SLC9A9: variants seen among roughly 807,000 people sequenced by gnomAD.
SLC9A9 encodes the protein solute carrier family 9 member A9, also known as sodium/hydrogen exchanger 9.
SLC9A9 carries 62 observed loss-of-function variants against 77.8 expected under a neutral mutation model. The observed-to-expected ratio is 0.80, with a 90% CI of 0.65 to 0.98. SLC9A9 has a LOEUF of 0.98. Ranked by LOEUF, SLC9A9 falls within the 50% of genes least tolerant of loss-of-function variation. The pLI is 0.00. For missense variants in SLC9A9, 775 were observed against 774.9 expected (o/e 1.00, Z 0.00); for synonymous variants, 320 against 283.5 (o/e 1.13, Z -1.29).
intron 2 of SLC9A9, among the ~76,000 whole-genome samples, chr3:143,820,370 G>A (rs2009135283): frequency 6.6e-6 from 1 of 152,128 alleles, no homozygotes; most frequent in Non-Finnish European, 1.5e-5. Flanking sequence ...AACCACCAAT[G>A]GCTAGAAACT....
rs114752803 is a variant in SLC9A9 at position 143,737,766 on chromosome 3, T to C, written c.534-44459A>G. On this transcript the variant is annotated intron_variant, in intron 4 of 15. Transcript: ENST00000316549. ...TTTCTTTTAAATAAGAATTGTGTTA[T>C]GGTAGAAAATTCAAAAGTATGAGAA... Among the ~76,000 whole-genome samples the C allele has an allele frequency of 3.3e-3, 502 of 152,330 alleles. 5 individuals carry two copies. Among genetic ancestry groups the C allele is most frequent in the African/African-American group, 0.011 (471 of 41,564 alleles).
intron 12 of SLC9A9, among the ~76,000 whole-genome samples, chr3:143,386,129 C>G (rs979818534): frequency 2.0e-5 from 3 of 152,176 alleles, no homozygotes; most frequent in African/African-American, 7.2e-5. Flanking sequence ...TCTCCCATCA[C>G]TAGAAGTTAC....
chr3:143,642,960 T>A (rs551977494), intron 6 of SLC9A9, among the ~76,000 whole-genome samples: 1 of 152,326 alleles, frequency 6.6e-6, no homozygotes, highest in African/African-American at 2.4e-5. Flanking sequence ...CATTTGATAA[T>A]CTTTCTCATA....
At chr3:143,310,944 T>C (rs918340473) in intron 14 of SLC9A9, among the ~76,000 whole-genome samples, 2 of 152,140 alleles carry the variant, frequency 1.3e-5, no homozygotes, top group Non-Finnish European at 2.9e-5. Context: ...ATGTCTGAAG[T>C]CCTCAGGCCT....
At chr3:143,540,727 TC>T (rs2036674416) in intron 9 of SLC9A9, among the ~76,000 whole-genome samples, 1 of 152,216 alleles carries the variant, frequency 6.6e-6, no homozygotes. Context: ...ACTACTCTAT[TC>T]TTTGTGTGGC....
intron 11 of SLC9A9, among the ~76,000 whole-genome samples, chr3:143,482,425 G>T (rs1168672858): frequency 6.6e-6 from 1 of 152,188 alleles, no homozygotes; most frequent in Non-Finnish European, 1.5e-5. Context: ...TAGTTTTTGT[G>T]ATAGGACATA....
At chr3:143,727,765 C>T (rs1934695264) in intron 4 of SLC9A9, among the ~76,000 whole-genome samples, 1 of 152,150 alleles carries the variant, frequency 6.6e-6, no homozygotes, top group Non-Finnish European at 1.5e-5. Context: ...GAAGAAAATG[C>T]TTTTGACAAT....
chr3:143,805,547 G>A (rs572036447), intron 2 of SLC9A9, among the ~76,000 whole-genome samples: 3 of 152,066 alleles, frequency 2.0e-5, no homozygotes, highest in Admixed American at 6.6e-5. Flanking sequence ...CAGATGGCCC[G>A]AAGCAAGTGA....
intron 8 of SLC9A9, among the ~76,000 whole-genome samples, chr3:143,561,053 C>T (rs181714232): frequency 6.6e-5 from 10 of 152,150 alleles, no homozygotes; most frequent in Non-Finnish European, 1.3e-4. Context: ...TGGTGGTGTG[C>T]GCCTGTAATC....
intron 14 of SLC9A9, among the ~76,000 whole-genome samples, chr3:143,291,085 G>T (rs1471931062): frequency 6.6e-6 from 1 of 152,202 alleles, no homozygotes; most frequent in Non-Finnish European, 1.5e-5. Context: ...ACGCAACTCT[G>T]CCAGGCCAGC....
intron 14 of SLC9A9, among the ~76,000 whole-genome samples, chr3:143,354,184 G>T (rs1348659950): frequency 6.6e-6 from 1 of 152,060 alleles, no homozygotes; most frequent in East Asian, 1.9e-4. Context: ...CCCTATTCTT[G>T]GAAAGCTCTT....
chr3:143,601,398 A>G (rs184150126), intron 6 of SLC9A9, among the ~76,000 whole-genome samples: 10 of 152,224 alleles, frequency 6.6e-5, no homozygotes, highest in African/African-American at 1.9e-4. Flanking sequence ...ATTTCTTCAT[A>G]TTCCCATGAA....
At chr3:143,551,323 C>A (rs1463860812) in intron 9 of SLC9A9, among the ~76,000 whole-genome samples, 3 of 152,200 alleles carry the variant, frequency 2.0e-5, no homozygotes, top group Non-Finnish European at 4.4e-5. Flanking sequence ...TAAGCCACTC[C>A]CCATTACCTA....
At chr3:143,512,053 G>A (rs2036124631) in intron 9 of SLC9A9, among the ~76,000 whole-genome samples, 1 of 152,178 alleles carries the variant, frequency 6.6e-6, no homozygotes, top group African/African-American at 2.4e-5. Context: ...TTGTCTGTAA[G>A]CTCAGCAAGA....
chr3:143,278,075 C>T (rs750737843), intron 14 of SLC9A9, among the ~76,000 whole-genome samples: 11 of 152,160 alleles, frequency 7.2e-5, no homozygotes, highest in Non-Finnish European at 1.6e-4. Flanking sequence ...TATCCAGCTT[C>T]ATCCATGTCC....
intron 14 of SLC9A9, among the ~76,000 whole-genome samples, chr3:143,333,982 C>G (rs1238128250): frequency 1.3e-5 from 2 of 152,148 alleles, no homozygotes; most frequent in Non-Finnish European, 2.9e-5. Flanking sequence ...TCCATCCCAA[C>G]TTTGATTAGA....
intron 6 of SLC9A9, among the ~76,000 whole-genome samples, chr3:143,644,779 A>G (rs1291024563): frequency 6.6e-6 from 1 of 151,210 alleles, no homozygotes; most frequent in Non-Finnish European, 1.5e-5. Flanking sequence ...TTTTTTTTTA[A>G]TTATGTATCA....
At chr3:143,401,638 G>A (rs2033863708) in intron 12 of SLC9A9, among the ~76,000 whole-genome samples, 1 of 152,090 alleles carries the variant, frequency 6.6e-6, no homozygotes, top group South Asian at 2.1e-4. Flanking sequence ...GTCTTTAAAT[G>A]TTTCTCTAAG....
intron 4 of SLC9A9, among the ~76,000 whole-genome samples, chr3:143,734,074 G>A (rs1172706408): frequency 6.6e-6 from 1 of 152,116 alleles, no homozygotes; most frequent in Admixed American, 6.5e-5. Flanking sequence ...GTGCACACCT[G>A]TAGTCCCAGC....
Sources: gnomAD v4.1 joint callset for allele counts (sites outside exome capture counted in the v4.1 genomes callset) on GRCh38, gnomAD v4.1.1 for gene constraint, MANE v1.5 for transcripts, NCBI Gene and HGNC (gene_info 2026-07-23, HGNC 2026-07-21) for gene names.